The following DMD variants were observed in gnomAD, a reference collection of about 807,000 sequenced individuals.
The protein encoded by DMD is mutant dystrophin.
In DMD, 63 loss-of-function variants were observed where a neutral mutation model predicts 330.1. The ratio of observed to expected loss-of-function variants is 0.19; its 90% CI spans 0.16 to 0.24. The LOEUF (loss-of-function observed/expected upper bound fraction) is 0.24. Ranked by LOEUF, DMD falls within the 10% of genes least tolerant of loss-of-function variation. DMD has a pLI of 1.00. For synonymous variants in DMD, 1,223 were observed against 959.8 expected (o/e 1.27, Z -5.07); for missense variants, 3,344 against 2,684.1 (o/e 1.25, Z -5.43).
chrX:31,246,267 G>T (rs911638435), intron 63 of DMD, among the ~76,000 whole-genome samples: 2 of 111,971 alleles, frequency 1.8e-5, no homozygotes, highest in Non-Finnish European at 3.8e-5. Flanking sequence ...GGAAGCTGCA[G>T]AAGAAAAGTT....
intron 2 of DMD, among the ~76,000 whole-genome samples, chrX:33,002,588 G>C (rs1349017678): frequency 9.1e-6 from 1 of 110,146 alleles, no homozygotes; most frequent in Non-Finnish European, 1.9e-5. Flanking sequence ...AGAGGCTAAG[G>C]TGAAGTTACA....
intron 60 of DMD, among the ~76,000 whole-genome samples, chrX:31,431,176 G>T (rs937771529): frequency 1.8e-5 from 2 of 111,075 alleles, no homozygotes; most frequent in South Asian, 7.8e-4. Context: ...GTTACAAAAA[G>T]ATAGTATATT....
At chrX:31,481,348 G>T (rs1208738444) in intron 57 of DMD, among the ~76,000 whole-genome samples, 1 of 111,631 alleles carries the variant, frequency 9.0e-6, no homozygotes, top group Non-Finnish European at 1.9e-5. Context: ...TATTTGAGAA[G>T]AACAGAAATG....
At chrX:32,308,379 T>A (rs996879366) in intron 42 of DMD, among the ~76,000 whole-genome samples, 1 of 111,143 alleles carries the variant, frequency 9.0e-6, no homozygotes, top group Non-Finnish European at 1.9e-5. Flanking sequence ...CTGTACAATT[T>A]ATGCACTGCT....
chrX:31,512,844 T>C (rs1211071835), intron 55 of DMD, among the ~76,000 whole-genome samples: 1 of 109,953 alleles, frequency 9.1e-6, no homozygotes, highest in Non-Finnish European at 1.9e-5. Context: ...ATATGAACTT[T>C]AAAGTAGTTT....
At position 33,148,425 on chromosome X, in the gene DMD, G is replaced by A. The variant is rs1462201096; in HGVS notation, c.31+62857C>T. Among the ~76,000 whole-genome samples the A allele has an allele frequency of 3.6e-5, 4 of 111,973 alleles. No homozygotes were observed. In the East Asian group the frequency reaches 8.4e-4, roughly 24 times the overall value. On this transcript the variant is annotated intron_variant, in intron 1 of 78. Transcript: ENST00000357033. ...ATTTATTGCAGTAAATAGTCTACAC[G>A]AGCGTCCCAGTTTTGGACTTTTTCC...
intron 9 of DMD, among the ~76,000 whole-genome samples, chrX:32,656,681 T>A (rs1356797837): frequency 1.8e-5 from 2 of 112,025 alleles, no homozygotes; most frequent in East Asian, 2.8e-4. Flanking sequence ...TTCATCGTTT[T>A]TCAAGTCACA....
intron 56 of DMD, among the ~76,000 whole-genome samples, chrX:31,504,257 A>G (rs1046323104): frequency 3.6e-5 from 4 of 111,790 alleles, no homozygotes; most frequent in African/African-American, 1.3e-4. Context: ...GAAGAAAAAT[A>G]AATGGAAGGA....
intron 1 of DMD, among the ~76,000 whole-genome samples, chrX:33,243,711 G>C (rs2052623360): frequency 8.9e-6 from 1 of 112,180 alleles, no homozygotes; most frequent in South Asian, 3.7e-4. Context: ...GCCACAAAAG[G>C]AATAAAATCA....
intron 11 of DMD, among the ~76,000 whole-genome samples, chrX:32,640,561 G>T (rs1387119587): frequency 9.1e-6 from 1 of 110,286 alleles, no homozygotes; most frequent in African/African-American, 3.3e-5. Context: ...TAGTAACTGT[G>T]GGCACAAATT....
chrX:31,940,511 G>A (rs181382860), intron 45 of DMD, among the ~76,000 whole-genome samples: 13 of 111,414 alleles, frequency 1.2e-4, no homozygotes, highest in African/African-American at 4.2e-4. Context: ...TTATGTACAA[G>A]AGCACAGTGA....
At chrX:32,789,884 G>A (rs952734455) in intron 7 of DMD, among the ~76,000 whole-genome samples, 3 of 112,052 alleles carry the variant, frequency 2.7e-5, no homozygotes, top group Non-Finnish European at 5.6e-5. Flanking sequence ...TTGATTTGAA[G>A]CAAAAGTTTA....
chrX:31,744,159 C>A (rs1473608527), intron 51 of DMD, among the ~76,000 whole-genome samples: 1 of 112,121 alleles, frequency 8.9e-6, no homozygotes, highest in Non-Finnish European at 1.9e-5. Context: ...TGAGCCACTG[C>A]ACCCCACAAA....
chrX:32,401,380 G>T, intron 30 of DMD, among the ~76,000 whole-genome samples: 1 of 111,870 alleles, frequency 8.9e-6, no homozygotes, highest in East Asian at 2.8e-4. Flanking sequence ...GTACTATTCA[G>T]CCATAAAAAG....
chrX:32,568,968 C>A (rs2052078172), intron 15 of DMD, among the ~76,000 whole-genome samples: 1 of 112,143 alleles, frequency 8.9e-6, no homozygotes, highest in South Asian at 3.7e-4. Context: ...CAATAATTAA[C>A]CATAGGTCTA....
chrX:33,051,967 A>G (rs1225607230), intron 1 of DMD, among the ~76,000 whole-genome samples: 1 of 111,047 alleles, frequency 9.0e-6, no homozygotes, highest in East Asian at 2.8e-4. Flanking sequence ...CTTTAAATCT[A>G]GTGTATCTAT....
intron 61 of DMD, among the ~76,000 whole-genome samples, chrX:31,343,376 A>C (rs1336428648): frequency 2.7e-5 from 3 of 111,412 alleles, no homozygotes; most frequent in African/African-American, 9.8e-5. Context: ...GTTAGTGTCT[A>C]TCAGCGGAGA....
chrX:32,216,078 T>G lies in DMD; in HGVS notation c.6438+838A>C, dbSNP rs1229016093. 3.6e-5 allele frequency among the ~76,000 whole-genome samples: 4 copies of G among 112,048 alleles called. No individual in the cohort carries two copies. In the East Asian group the frequency reaches 1.1e-3, roughly 31 times the overall value. ...AAAGTATTTAATAAACTACTGGGTG[T>G]TTTTTGCCCTCATCTGTCTTAATCA... On this transcript the variant is annotated intron_variant, in intron 44 of 78. Coordinates refer to ENST00000357033, the MANE Select transcript of DMD (RefSeq NM_004006.3).
rs201658216 is a variant in DMD, at chrX:31,722,113, A to ATTATTTAT, written c.7660+7510_7660+7517dup. Reference sequence around the variant, plus strand: ...AAAAAGTAAGTTGTATTTCTTTTTTATTATTTATTTATTTATTTATTTACG... The same window carrying ATTATTTAT: ...AAAAAGTAAGTTGTATTTCTTTTTTATTATTTATTTATTTATTTATTTATTTATTTACG... On this transcript the variant is annotated intron_variant, in intron 52 of 78. Coordinates refer to ENST00000357033, the MANE Select transcript of DMD (RefSeq NM_004006.3). 7.4e-3 allele frequency among the ~76,000 whole-genome samples: 794 copies of ATTATTTAT among 106,913 alleles called. 8 individuals carry two copies. The highest frequency in any genetic ancestry group is 0.026 in the African/African-American group (738 of 28,669). The allele number at this position is 106,913 out of a possible 115,157, so 92.8% of individuals were successfully genotyped here.
Sources: allele counts gnomAD v4.1 joint callset (sites outside exome capture counted in the v4.1 genomes callset), GRCh38; gene constraint gnomAD v4.1.1; transcripts MANE v1.5; gene names NCBI Gene and HGNC (gene_info 2026-07-23, HGNC 2026-07-21).